SLC71A2: variants seen among roughly 807,000 people sequenced by gnomAD.
SLC71A2 encodes the protein solute carrier family 71 member 2, also known as hippocampus abundant transcript-like 1.
the SLC71A2 span, among the ~76,000 whole-genome samples, chr9:94,403,162 A>T: frequency 1.3e-5 from 2 of 150,686 alleles, no homozygotes; most frequent in African/African-American, 4.9e-5. Flanking sequence ...TTCCATTTCC[A>T]TTTCACTCTC....
chr9:94,435,725 G>A, the SLC71A2 span, among the ~76,000 whole-genome samples: 2 of 146,876 alleles, frequency 1.4e-5, no homozygotes, highest in Non-Finnish European at 3.0e-5. Flanking sequence ...CACGATCTCG[G>A]CTCACTGCAA....
the SLC71A2 span, among the ~76,000 whole-genome samples, chr9:94,388,120 G>A: frequency 4.6e-4 from 63 of 137,434 alleles, no homozygotes; most frequent in Admixed American, 1.7e-3. Flanking sequence ...AAGATCTGTA[G>A]CGTGGTAATA....
the SLC71A2 span, among the ~76,000 whole-genome samples, chr9:94,419,668 C>CA: frequency 6.6e-6 from 1 of 152,066 alleles, no homozygotes; most frequent in East Asian, 1.9e-4. Context: ...AACTCCTCCT[C>CA]GCCTCAGACA....
the SLC71A2 span, among the ~76,000 whole-genome samples, chr9:94,435,757 C>T: frequency 2.9e-4 from 43 of 148,644 alleles, no homozygotes; most frequent in African/African-American, 9.5e-4. Context: ...TGGGTTCAAG[C>T]GATTCTCCTG....
the SLC71A2 span, chr9:94,458,332 G>T: frequency 3.7e-6 from 6 of 1,607,528 alleles, no homozygotes; most frequent in Non-Finnish European, 5.1e-6. Context: ...GAGTTGCCCA[G>T]GGGATCATAA....
chr9:94,450,266 C>T, the SLC71A2 span, among the ~76,000 whole-genome samples: 1 of 151,992 alleles, frequency 6.6e-6, no homozygotes, highest in Non-Finnish European at 1.5e-5. Context: ...GCTGAGAATC[C>T]CTAAATCTAC....
the SLC71A2 span, among the ~76,000 whole-genome samples, chr9:94,418,920 G>A: frequency 3.9e-5 from 6 of 151,922 alleles, no homozygotes; most frequent in Non-Finnish European, 7.4e-5. Context: ...ACATGGATTC[G>A]TTTAGTTCTT....
the SLC71A2 span, among the ~76,000 whole-genome samples, chr9:94,442,917 AAAAAC>A: frequency 1.1e-4 from 17 of 152,132 alleles, no homozygotes; most frequent in Non-Finnish European, 1.6e-4. Flanking sequence ...AAAGAAAAGA[AAAAAC>A]AAAAACAAGA....
At chr9:94,387,150 T>A in the SLC71A2 span, among the ~76,000 whole-genome samples, 1 of 152,168 alleles carries the variant, frequency 6.6e-6, no homozygotes, top group South Asian at 2.1e-4. Context: ...TGACATTCAT[T>A]AAGGTGGGTG....
chr9:94,422,353 GA>G, the SLC71A2 span, among the ~76,000 whole-genome samples: 1 of 152,110 alleles, frequency 6.6e-6, no homozygotes, highest in Non-Finnish European at 1.5e-5. Context: ...CAGAGTCCTG[GA>G]ATCCTCTTAG....
the SLC71A2 span, among the ~76,000 whole-genome samples, chr9:94,410,923 G>A: frequency 1.3e-5 from 2 of 152,132 alleles, no homozygotes; most frequent in Non-Finnish European, 2.9e-5. Context: ...TTGCCATCAC[G>A]CCTGGCCAAT....
At chr9:94,429,370 A>G in the SLC71A2 span, 2 of 1,450,554 alleles carry the variant, frequency 1.4e-6, no homozygotes, top group Non-Finnish European at 1.9e-6. Flanking sequence ...GGAGGCTGAA[A>G]TCTAAATTTT....
chr9:94,438,080 C>T, the SLC71A2 span, among the ~76,000 whole-genome samples: 886 of 152,234 alleles, frequency 5.8e-3, 6 homozygotes, highest in Non-Finnish European at 9.0e-3. Context: ...AGGCGTCTGC[C>T]ACCACGCCCG....
chr9:94,450,449 T>A, the SLC71A2 span, among the ~76,000 whole-genome samples: 1 of 151,734 alleles, frequency 6.6e-6, no homozygotes, highest in African/African-American at 2.4e-5. Context: ...CCATAATTTT[T>A]AAGGTCCTTT....
the SLC71A2 span, among the ~76,000 whole-genome samples, chr9:94,416,341 C>T: frequency 6.6e-6 from 1 of 151,500 alleles, no homozygotes. Flanking sequence ...ATAGCAAGAC[C>T]CCATCTCTAA....
the SLC71A2 span, among the ~76,000 whole-genome samples, chr9:94,437,544 T>C: frequency 1.3e-5 from 2 of 152,218 alleles, no homozygotes; most frequent in Admixed American, 6.5e-5. Context: ...TCCTTCTTCC[T>C]AAACTCATCA....
the SLC71A2 span, among the ~76,000 whole-genome samples, chr9:94,416,645 G>T: frequency 3.3e-5 from 5 of 151,998 alleles, no homozygotes; most frequent in African/African-American, 1.2e-4. Context: ...ACCTGAGGTC[G>T]GGAGTTCGAG....
the SLC71A2 span, chr9:94,456,350 C>T: frequency 3.1e-6 from 5 of 1,601,800 alleles, no homozygotes; most frequent in African/African-American, 1.3e-5. Context: ...GAGGTCACTG[C>T]CCCCCACTTG....
chr9:94,381,394 C>T, the SLC71A2 span, among the ~76,000 whole-genome samples: 4 of 151,000 alleles, frequency 2.6e-5, no homozygotes, highest in Admixed American at 2.0e-4. Context: ...GCATATTCTC[C>T]TCTTTGGCTT....
Sources: allele counts gnomAD v4.1 joint callset (sites outside exome capture counted in the v4.1 genomes callset), GRCh38; gene constraint gnomAD v4.1.1; transcripts MANE v1.5; gene names NCBI Gene and HGNC (gene_info 2026-07-23, HGNC 2026-07-21).